The following FOXN3 variants were observed in gnomAD, a reference collection of about 807,000 sequenced individuals.
The protein encoded by FOXN3 is forkhead box N3.
FOXN3 carries 7 observed loss-of-function variants against 38.4 expected under a neutral mutation model. The observed-to-expected ratio is 0.18, with a 90% CI of 0.10 to 0.34. The LOEUF (loss-of-function observed/expected upper bound fraction) is 0.34, where lower values mean the gene tolerates loss of function less well. Ranked by LOEUF, FOXN3 falls within the 10% of genes least tolerant of loss-of-function variation. FOXN3 has a pLI of 1.00. For synonymous variants in FOXN3, 230 were observed against 242.2 expected, an observed-to-expected ratio of 0.95 and a Z score of 0.47; for missense variants, 456 against 613.4, an observed-to-expected ratio of 0.74 and a Z score of 2.71.
chr14:89,466,959 T>C (rs10136980), intron 1 of FOXN3, among the ~76,000 whole-genome samples: 4,901 of 152,300 alleles, frequency 0.032, 256 homozygotes, highest in African/African-American at 0.11. Context: ...GTAGCTACAG[T>C]GTCTGCACAT....
At chr14:89,578,982 G>T (rs1273000906) in intron 1 of FOXN3, among the ~76,000 whole-genome samples, 1 of 151,874 alleles carries the variant, frequency 6.6e-6, no homozygotes, top group Non-Finnish European at 1.5e-5. Flanking sequence ...TGAGTATCCG[G>T]GACTATAGTC....
At chr14:89,557,319 G>A (rs935184225) in intron 1 of FOXN3, among the ~76,000 whole-genome samples, 3 of 152,264 alleles carry the variant, frequency 2.0e-5, no homozygotes, top group Middle Eastern at 3.4e-3. Flanking sequence ...TTATTGGGGG[G>A]TTAGTATATC....
Position 89,230,736 on chromosome 14 carries a change from C to T in FOXN3, c.746-49930G>A, listed in dbSNP as rs538491235. ...ACTGCACTACGCACACGACAGGCGC[C>T]ACACACTCTTTATTAAATAAATAGA... On this transcript the variant is annotated intron_variant, in intron 4 of 5. Transcript: ENST00000557258. 5.0e-5 allele frequency: 18 copies of T among 363,266 alleles called. 1 individual carries two copies. Among genetic ancestry groups the T allele is most frequent in the South Asian group, 3.4e-4 (17 of 49,874 alleles). 22.5% of individuals were successfully genotyped at this position (363,266 alleles called of 1,614,324 possible). A position where few individuals can be genotyped will look rare whatever the true frequency, so the allele number is the denominator to read the frequency against.
In FOXN3 at chr14:89,190,694, T is replaced by G. The variant is rs151085602; in HGVS notation, c.746-9888A>C. Among the ~76,000 whole-genome samples, 302 of 152,336 alleles carry G rather than the reference T, an allele frequency of 2.0e-3. 1 individual carries two copies. The highest frequency in any genetic ancestry group is 6.8e-3 in the African/African-American group (281 of 41,576). ...TCACACAAGCATGGTTTCTTCTCAT[T>G]TTGTTAATTTTATAATTTGCACTGT... is the stretch of plus-strand genomic sequence containing the variant. On this transcript the variant is annotated intron_variant, in intron 4 of 5. Coordinates refer to ENST00000557258, the MANE Select transcript of FOXN3 (RefSeq NM_005197.4).
intron 4 of FOXN3, chr14:89,185,774 C>T (rs1887789472): frequency 1.3e-5 from 2 of 152,252 alleles, no homozygotes; most frequent in African/African-American, 4.8e-5. Flanking sequence ...CCATCAGCCA[C>T]GTTCTCTGCA....
chr14:89,213,023 C>T (rs57765404), intron 4 of FOXN3, among the ~76,000 whole-genome samples: 7,420 of 152,264 alleles, frequency 0.049, 431 homozygotes, highest in African/African-American at 0.14. Context: ...GGAATTTCCT[C>T]ATTTTGTTTT....
At chr14:89,514,922 T>C (rs1478252174) in intron 1 of FOXN3, among the ~76,000 whole-genome samples, 1 of 151,060 alleles carries the variant, frequency 6.6e-6, no homozygotes, top group Non-Finnish European at 1.5e-5. Context: ...ATGCTCCATT[T>C]CCTTTTTTTT....
intron 1 of FOXN3, among the ~76,000 whole-genome samples, chr14:89,497,404 CTTT>C (rs71107518): frequency 3.3e-4 from 29 of 86,870 alleles, no homozygotes; most frequent in Middle Eastern, 6.1e-3. Context: ...GTATAAATAT[CTTT>C]TTTTTTTTTT....
intron 1 of FOXN3, among the ~76,000 whole-genome samples, chr14:89,568,937 G>A (rs965963237): frequency 2.0e-5 from 3 of 152,240 alleles, no homozygotes; most frequent in Non-Finnish European, 4.4e-5. Context: ...GGGCACGGTG[G>A]CTCACGCCTG....
At chr14:89,513,161 A>AAG (rs1163064797) in intron 1 of FOXN3, among the ~76,000 whole-genome samples, 4 of 150,844 alleles carry the variant, frequency 2.7e-5, no homozygotes, top group African/African-American at 4.9e-5. Flanking sequence ...AAAAAAAAAA[A>AAG]AAAAAAAAGA....
In FOXN3 at chr14:89,587,175, C is replaced by A. The variant is rs145596931; in HGVS notation, c.-15+31853G>T. ...CAAAATTTCCTCTTTTTCGGGGGAA[C>A]CCCGGTCTTTTTCTCTTGGGGTCTT... On this transcript the variant is annotated intron_variant, in intron 1 of 6. Transcript: ENST00000345097. Among the ~76,000 whole-genome samples, 1,207 of 152,380 alleles carry A rather than the reference C, an allele frequency of 7.9e-3. 19 individuals carry two copies. Among genetic ancestry groups the A allele is most frequent in the African/African-American group, 0.028 (1,162 of 41,600 alleles).
At chr14:89,222,054 G>A (rs935308370) in intron 4 of FOXN3, among the ~76,000 whole-genome samples, 10 of 152,028 alleles carry the variant, frequency 6.6e-5, no homozygotes, top group African/African-American at 2.2e-4. Flanking sequence ...CTGACCTCGT[G>A]ATCTGCCCGC....
intron 4 of FOXN3, among the ~76,000 whole-genome samples, chr14:89,225,952 G>T (rs894555875): frequency 3.9e-5 from 6 of 152,120 alleles, no homozygotes; most frequent in African/African-American, 1.2e-4. Flanking sequence ...TATAGGTGAG[G>T]TTGTCAGATA....
intron 1 of FOXN3, among the ~76,000 whole-genome samples, chr14:89,507,999 T>C (rs759801412): frequency 9.9e-5 from 15 of 152,118 alleles, no homozygotes; most frequent in Non-Finnish European, 2.1e-4. Flanking sequence ...TTAAGCCAAA[T>C]AGTTAGACCT....
chr14:89,221,023 A>AT (rs1353618716), intron 4 of FOXN3, among the ~76,000 whole-genome samples: 4 of 152,150 alleles, frequency 2.6e-5, no homozygotes, highest in Admixed American at 2.6e-4. Context: ...TCAGGGATGC[A>AT]TTAAAAACAG....
chr14:89,229,386 T>G (rs998346984), intron 4 of FOXN3, among the ~76,000 whole-genome samples: 2 of 152,110 alleles, frequency 1.3e-5, no homozygotes, highest in Non-Finnish European at 2.9e-5. Flanking sequence ...CTCTTGCCAC[T>G]CTGACCACGG....
At chr14:89,458,352 C>G (rs1451010650) in intron 1 of FOXN3, among the ~76,000 whole-genome samples, 1 of 152,228 alleles carries the variant, frequency 6.6e-6, no homozygotes, top group Non-Finnish European at 1.5e-5. Context: ...ACAAGGTGCA[C>G]TTTTGGAGAC....
At chr14:89,233,304 G>A (rs995306860) in intron 4 of FOXN3, among the ~76,000 whole-genome samples, 2 of 152,188 alleles carry the variant, frequency 1.3e-5, no homozygotes, top group South Asian at 4.1e-4. Flanking sequence ...GCAGGAGGAG[G>A]ACAGGAAAGT....
At chr14:89,441,800 G>A (rs1892389718) in intron 1 of FOXN3, among the ~76,000 whole-genome samples, 1 of 152,158 alleles carries the variant, frequency 6.6e-6, no homozygotes, top group Non-Finnish European at 1.5e-5. Flanking sequence ...GGGTCCCTAT[G>A]GATTCCACAC....
Sources: gnomAD v4.1 joint callset for allele counts (sites outside exome capture counted in the v4.1 genomes callset) on GRCh38, gnomAD v4.1.1 for gene constraint, MANE v1.5 for transcripts, NCBI Gene and HGNC (gene_info 2026-07-23, HGNC 2026-07-21) for gene names.